Variants in ADAMTSL1 observed in about 807,000 individuals in gnomAD.
ADAMTSL1 encodes the protein ADAMTS-like protein 1.
In ADAMTSL1, 126 loss-of-function variants were observed where a neutral mutation model predicts 201.8. That is an observed-to-expected ratio of 0.62 (90% confidence interval 0.54 to 0.72). ADAMTSL1 has a LOEUF of 0.72. ADAMTSL1 is among the 30% of genes least tolerant of loss of function. The probability of loss-of-function intolerance (pLI) is 0.00; values close to 1 mark genes in which losing one functional copy is unlikely to be tolerated. For synonymous variants in ADAMTSL1, 1,121 were observed against 903.4 expected (o/e 1.24, Z -4.32); for missense variants, 2,679 against 2,277.8 (o/e 1.18, Z -3.59).
intron 23 of ADAMTSL1, among the ~76,000 whole-genome samples, chr9:18,871,908 G>A (rs562973331): frequency 4.0e-4 from 61 of 152,214 alleles, no homozygotes; most frequent in African/African-American, 9.6e-4. Flanking sequence ...GTCTTCAGGC[G>A]TCTTCAGGCA....
intron 1 of ADAMTSL1, among the ~76,000 whole-genome samples, chr9:18,152,458 C>A (rs1826957630): frequency 6.6e-6 from 1 of 151,936 alleles, no homozygotes; most frequent in Non-Finnish European, 1.5e-5. Flanking sequence ...GGCTGACTCA[C>A]TGAGAGCTTA....
At chr9:18,291,374 A>G (rs1312980560) in intron 2 of ADAMTSL1, among the ~76,000 whole-genome samples, 1 of 151,876 alleles carries the variant, frequency 6.6e-6, no homozygotes, top group Non-Finnish European at 1.5e-5. Context: ...CAAACTAGAG[A>G]CTCTGATGCT....
At chr9:18,868,934 C>T (rs1243032505) in intron 23 of ADAMTSL1, among the ~76,000 whole-genome samples, 5 of 152,138 alleles carry the variant, frequency 3.3e-5, no homozygotes, top group African/African-American at 1.2e-4. Context: ...ATCTCCAGTA[C>T]CTGTGGATGT....
chr9:18,095,294 A>G (rs1050623373), intron 1 of ADAMTSL1, among the ~76,000 whole-genome samples: 4 of 152,204 alleles, frequency 2.6e-5, no homozygotes, highest in Middle Eastern at 3.2e-3. Context: ...ATGGATTTAA[A>G]TATATTTAGA....
At chr9:18,315,400 G>A (rs1321467543) in intron 2 of ADAMTSL1, among the ~76,000 whole-genome samples, 2 of 152,088 alleles carry the variant, frequency 1.3e-5, no homozygotes, top group Admixed American at 1.3e-4. Flanking sequence ...GCGCCCGTCA[G>A]GGAGGCTCGG....
intron 2 of ADAMTSL1, among the ~76,000 whole-genome samples, chr9:18,371,930 C>T (rs1837060208): frequency 6.6e-6 from 1 of 152,180 alleles, no homozygotes; most frequent in Non-Finnish European, 1.5e-5. Context: ...CACCATCAGG[C>T]ACCACAATGG....
intron 2 of ADAMTSL1, among the ~76,000 whole-genome samples, chr9:18,310,016 C>T (rs1229807284): frequency 6.6e-6 from 1 of 151,946 alleles, no homozygotes; most frequent in Non-Finnish European, 1.5e-5. Context: ...TGAACAGAGG[C>T]CTCAGAAATA....
rs375752891 is a variant in ADAMTSL1, at chr9:18,671,709, C to T, written c.1086-4148C>T. Among the ~76,000 whole-genome samples, 122 of 152,208 alleles carry T rather than the reference C, an allele frequency of 8.0e-4. 1 individual carries two copies. The highest frequency in any genetic ancestry group is 2.8e-3 in the African/African-American group (117 of 41,528). On this transcript the variant is annotated intron_variant, in intron 9 of 28. Transcript: ENST00000380548. The stretch of plus-strand genomic sequence containing the variant: ...GTCATGAGAGATTCACTGAGAGAAA[C>T]CCTTGAAACCATGAAAGGATCTCTT...
intron 2 of ADAMTSL1, among the ~76,000 whole-genome samples, chr9:18,280,613 G>C (rs1456588606): frequency 2.0e-5 from 3 of 151,984 alleles, no homozygotes; most frequent in Non-Finnish European, 4.4e-5. Context: ...AGATTTAAGT[G>C]CTCGAGTTTT....
intron 1 of ADAMTSL1, among the ~76,000 whole-genome samples, chr9:18,135,855 G>A (rs1045077114): frequency 1.5e-4 from 23 of 152,100 alleles, no homozygotes; most frequent in Admixed American, 2.0e-4. Context: ...TTACACTGAT[G>A]CAGTGCCTTC....
intron 4 of ADAMTSL1, among the ~76,000 whole-genome samples, chr9:18,600,149 G>C (rs956040728): frequency 6.6e-6 from 1 of 152,054 alleles, no homozygotes; most frequent in Non-Finnish European, 1.5e-5. Flanking sequence ...GCCTGGACCT[G>C]TAGCTATCTG....
chr9:17,910,888 G>C lies in ADAMTSL1; in HGVS notation c.87+3966G>C, dbSNP rs1161729368. On this transcript the variant is annotated intron_variant, in intron 1 of 29. Transcript: ENST00000680146. Reference sequence around the variant, plus strand: ...ATCGATAGCCAGTGCCAGATGATTTGAACATTATTTGGAATTTATATATTC... The same window carrying C: ...ATCGATAGCCAGTGCCAGATGATTTCAACATTATTTGGAATTTATATATTC... 4.4e-5 allele frequency among the ~76,000 whole-genome samples: 3 copies of C among 68,562 alleles called. 1 individual carries two copies. The highest frequency in any genetic ancestry group is 8.8e-5 in the African/African-American group (3 of 33,998). The allele number at this position is 68,562 out of a possible 152,430, so 45.0% of individuals were successfully genotyped here.
chr9:18,668,267 G>A (rs903678154), intron 9 of ADAMTSL1, among the ~76,000 whole-genome samples: 2 of 152,192 alleles, frequency 1.3e-5, no homozygotes, highest in East Asian at 3.9e-4. Context: ...CCACATTCAT[G>A]TATTATTCAT....
intron 1 of ADAMTSL1, among the ~76,000 whole-genome samples, chr9:18,496,575 A>C (rs1224988548): frequency 6.6e-6 from 1 of 152,234 alleles, no homozygotes; most frequent in African/African-American, 2.4e-5. Flanking sequence ...TGAGAGTGAC[A>C]TGAAGTTAGC....
At chr9:18,680,005 G>A (rs1011622974) in intron 10 of ADAMTSL1, among the ~76,000 whole-genome samples, 2 of 152,122 alleles carry the variant, frequency 1.3e-5, no homozygotes, top group Non-Finnish European at 2.9e-5. Flanking sequence ...ATGGGAGAAG[G>A]ACAGAACTAC....
chr9:18,691,881 T>G (rs1236545246), intron 13 of ADAMTSL1, among the ~76,000 whole-genome samples: 2 of 152,222 alleles, frequency 1.3e-5, no homozygotes, highest in East Asian at 3.9e-4. Flanking sequence ...TATATAAATT[T>G]TTGTTGTGAT....
intron 19 of ADAMTSL1, among the ~76,000 whole-genome samples, chr9:18,792,304 G>A (rs529717528): frequency 6.6e-6 from 1 of 152,282 alleles, no homozygotes; most frequent in African/African-American, 2.4e-5. Context: ...TCCCTCTGAT[G>A]AGCAGGAAAA....
intron 1 of ADAMTSL1, among the ~76,000 whole-genome samples, chr9:18,503,664 C>G (rs1055508469): frequency 6.6e-6 from 1 of 152,034 alleles, no homozygotes; most frequent in Non-Finnish European, 1.5e-5. Flanking sequence ...CAGTATTCCA[C>G]CCCAGGCTGG....
intron 2 of ADAMTSL1, among the ~76,000 whole-genome samples, chr9:18,403,769 C>T (rs907907635): frequency 7.2e-5 from 11 of 152,080 alleles, no homozygotes; most frequent in Non-Finnish European, 1.5e-4. Context: ...ATGATCTTGT[C>T]CTTGAGTTTC....
Sources: allele counts gnomAD v4.1 joint callset (sites outside exome capture counted in the v4.1 genomes callset), GRCh38; gene constraint gnomAD v4.1.1; transcripts MANE v1.5; gene names NCBI Gene and HGNC (gene_info 2026-07-23, HGNC 2026-07-21).